Variants in MLXIP observed in about 807,000 individuals in gnomAD.
MLXIP encodes the protein MLX-interacting protein.
Under a neutral mutation model 87.2 loss-of-function variants are expected in MLXIP, and 30 were observed. The observed-to-expected ratio is 0.34, with a 90% CI of 0.26 to 0.47. MLXIP has a LOEUF of 0.47. Ranked by LOEUF, MLXIP falls within the 20% of genes least tolerant of loss-of-function variation. The pLI, the probability that MLXIP is intolerant of heterozygous loss-of-function variation, is 1.00. For synonymous variants in MLXIP, 530 were observed against 514.0 expected, an observed-to-expected ratio of 1.03 and a Z score of -0.42; for missense variants, 1,002 against 1,240.1, an observed-to-expected ratio of 0.81 and a Z score of 2.88.
intron 1 of MLXIP, among the ~76,000 whole-genome samples, chr12:122,093,647 G>GGT (rs1343312349): frequency 7.8e-6 from 1 of 128,082 alleles, no homozygotes; most frequent in African/African-American, 3.0e-5. Context: ...GTGGTGTGTT[G>GGT]GTGTGTGTGT....
chr12:122,134,519 C>G (rs1422280293), intron 9 of MLXIP: 1 of 157,366 alleles, frequency 6.4e-6, no homozygotes, highest in Non-Finnish European at 1.4e-5. Flanking sequence ...AGGCGCCCAT[C>G]ACTACACCCA....
Position 122,142,079 on chromosome 12 carries a change from C to A in MLXIP, c.*267C>A. The A allele has an allele frequency of 1.4e-6, 1 of 689,696 alleles. No individual in the cohort carries two copies. Among genetic ancestry groups the A allele is most frequent in the Non-Finnish European group, 2.6e-6 (1 of 381,780 alleles). The allele number at this position is 689,696 out of a possible 1,614,324, so 42.7% of individuals were successfully genotyped here. A position where few individuals can be genotyped will look rare whatever the true frequency, so the allele number is the denominator to read the frequency against. On this transcript the variant is annotated 3_prime_UTR_variant, in exon 17 of 17. Coordinates refer to ENST00000319080, the MANE Select transcript of MLXIP (RefSeq NM_014938.6). ...CCAACCTCCTCTGCCCTCGGGGCAG[C>A]CCACACAAAAGGGAAGTGCTGGCCG...
chr12:122,081,402 C>T (rs1311383516), intron 1 of MLXIP, among the ~76,000 whole-genome samples: 1 of 152,082 alleles, frequency 6.6e-6, no homozygotes, highest in South Asian at 2.1e-4. Context: ...GGATGACAGA[C>T]AAATGACTCA....
intron 1 of MLXIP, among the ~76,000 whole-genome samples, chr12:122,104,888 T>C (rs1220020858): frequency 6.6e-6 from 1 of 152,148 alleles, no homozygotes; most frequent in Non-Finnish European, 1.5e-5. Flanking sequence ...CCAGCCTTTT[T>C]TCTTGTAGAA....
chr12:122,096,280 G>A (rs527933173), intron 1 of MLXIP, among the ~76,000 whole-genome samples: 88 of 152,140 alleles, frequency 5.8e-4, no homozygotes, highest in Admixed American at 1.4e-3. Flanking sequence ...GTATTTCATT[G>A]TATGGATGTA....
Position 122,133,006 on chromosome 12 carries a change from G to A in MLXIP, c.1093-342G>A, listed in dbSNP as rs1030521231. ...TGTCCTCGGGGATTCCCGAGCAGCT[G>A]CAATCCAGGCTGCCTCTGCTCAGTA... On this transcript the variant is annotated intron_variant, in intron 8 of 16. Transcript: ENST00000319080. The surrounding 1 kb of genome is among the most constrained non-coding windows in gnomAD (Gnocchi z 4.9). 2.4e-5 allele frequency: 6 copies of A among 247,410 alleles called. No homozygotes were observed. The highest frequency in any genetic ancestry group is 4.5e-5 in the African/African-American group (2 of 44,756). 15.3% of individuals were successfully genotyped at this position (247,410 alleles called of 1,614,324 possible). A position where few individuals can be genotyped will look rare whatever the true frequency, so the allele number is the denominator to read the frequency against.
intron 1 of MLXIP, among the ~76,000 whole-genome samples, chr12:122,081,549 G>T (rs1291316144): frequency 1.3e-5 from 2 of 152,194 alleles, no homozygotes; most frequent in East Asian, 3.9e-4. Flanking sequence ...AACGCGGGGC[G>T]TGGTGGCTCA....
At position 122,101,567 on chromosome 12, in the gene MLXIP, T is replaced by C. The variant is rs1361555539; in HGVS notation, c.413+22301T>C. 5.4e-4 allele frequency among the ~76,000 whole-genome samples: 11 copies of C among 20,470 alleles called. No individual in the cohort carries two copies. In the East Asian group the frequency reaches 0.012, roughly 22 times the overall value. 13.4% of individuals were successfully genotyped at this position (20,470 alleles called of 152,430 possible). A position where few individuals can be genotyped will look rare whatever the true frequency, so the allele number is the denominator to read the frequency against. On this transcript the variant is annotated intron_variant, in intron 1 of 16. Coordinates refer to ENST00000319080, the MANE Select transcript of MLXIP (RefSeq NM_014938.6). ...AGTTATTTATTTATTTATTTATTTA[T>C]TTTTTTCTTTTTTTTTCTTTTTTTT...
chr12:122,115,588 CAA>C (rs35318582), intron 1 of MLXIP, among the ~76,000 whole-genome samples: 8 of 110,736 alleles, frequency 7.2e-5, no homozygotes, highest in African/African-American at 2.1e-4. Flanking sequence ...AACTCCTTCT[CAA>C]AAAAAAAAAA....
chr12:122,102,053 T>C (rs1306441022), intron 1 of MLXIP, among the ~76,000 whole-genome samples: 1 of 152,208 alleles, frequency 6.6e-6, no homozygotes, highest in East Asian at 1.9e-4. Flanking sequence ...CCTTGAGATA[T>C]ATTCTCAAAA....
intron 1 of MLXIP, among the ~76,000 whole-genome samples, chr12:122,084,828 G>A (rs1241160505): frequency 6.6e-6 from 1 of 152,202 alleles, no homozygotes; most frequent in African/African-American, 2.4e-5. Context: ...GGTTACAGGC[G>A]TGAGCCACTG....
rs1193095482 is a variant in MLXIP at position 122,141,914 on chromosome 12, G to A, written c.*102G>A. Reference sequence around the variant, plus strand: ...GCCCTTCCTGACGCTCAGCCTCGGGGCCTCTCTCCAACTCTGCCGGCCCAC... The same window carrying A: ...GCCCTTCCTGACGCTCAGCCTCGGGACCTCTCTCCAACTCTGCCGGCCCAC... On this transcript the variant is annotated 3_prime_UTR_variant, in exon 17 of 17. Transcript: ENST00000319080. 5.9e-6 allele frequency: 9 copies of A among 1,529,282 alleles called. 1 individual carries two copies. Among genetic ancestry groups the A allele is most frequent in the South Asian group, 4.9e-5 (4 of 81,524 alleles). The allele number at this position is 1,529,282 out of a possible 1,614,324, so 94.7% of individuals were successfully genotyped here. A position where few individuals can be genotyped will look rare whatever the true frequency, so the allele number is the denominator to read the frequency against.
At chr12:122,097,785 A>G (rs1839097433) in intron 1 of MLXIP, among the ~76,000 whole-genome samples, 1 of 151,772 alleles carries the variant, frequency 6.6e-6, no homozygotes, top group Non-Finnish European at 1.5e-5. Flanking sequence ...CTACTCTCCC[A>G]GGCTGCTCCC....
At chr12:122,110,755 A>C (rs1952592494) in intron 1 of MLXIP, among the ~76,000 whole-genome samples, 1 of 151,528 alleles carries the variant, frequency 6.6e-6, no homozygotes, top group South Asian at 2.1e-4. Flanking sequence ...TGGGCAACAG[A>C]GCTAGATCCT....
At chr12:122,087,500 G>A (rs1301972185) in intron 1 of MLXIP, among the ~76,000 whole-genome samples, 10 of 152,164 alleles carry the variant, frequency 6.6e-5, no homozygotes, top group East Asian at 1.9e-4. Flanking sequence ...AGCCAGGCAC[G>A]ATGGTCGTTC....
chr12:122,121,010 G>GTTTTTTTTTTTT lies in MLXIP; in HGVS notation c.414-6239_414-6228dup, dbSNP rs1233404015. On this transcript the variant is annotated intron_variant, in intron 1 of 16. Transcript: ENST00000319080. The stretch of plus-strand genomic sequence containing the variant: ...AGCCCCAGAGCCCTCTGCATGCTTG[G>GTTTTTTTTTTTT]TTTTTTTTTTTTTTTTTTGAAACGG... Among the ~76,000 whole-genome samples the GTTTTTTTTTTTT allele has an allele frequency of 8.6e-3, 963 of 111,768 alleles. 79 individuals carry two copies. Among genetic ancestry groups the GTTTTTTTTTTTT allele is most frequent in the African/African-American group, 0.028 (762 of 27,364 alleles). 73.3% of individuals were successfully genotyped at this position (111,768 alleles called of 152,430 possible).
At chr12:122,123,686 T>A (rs1952821571) in intron 1 of MLXIP, among the ~76,000 whole-genome samples, 1 of 152,056 alleles carries the variant, frequency 6.6e-6, no homozygotes, top group Non-Finnish European at 1.5e-5. Flanking sequence ...CAGACTCCCT[T>A]TTTTGGTTGG....
rs1405814280 is a variant in MLXIP at position 122,133,710 on chromosome 12, C to T, written c.1455C>T (p.Thr485=). Residue 485 remains threonine (T), a synonymous_variant, in exon 9 of 17, where the codon ACC becomes ACT. Coordinates refer to ENST00000319080, the MANE Select transcript of MLXIP (RefSeq NM_014938.6). This position sits in a 1 kb window ranked among gnomAD's most constrained non-coding sequence, Gnocchi z 4.9. ...TCAACAAAGCGCCGTCTGTCATCACCCACACGGCCTCTGCCACCCTCACCC... is the reference window on the plus strand; with the variant it reads ...TCAACAAAGCGCCGTCTGTCATCACTCACACGGCCTCTGCCACCCTCACCC... ...AGVNKAPSVI[T]HTASATLTHD... is the part of the protein sequence containing the mutation. 6.2e-7 allele frequency: 1 copy of T among 1,613,588 alleles called. No individual in the cohort carries two copies. Among genetic ancestry groups the T allele is most frequent in the African/African-American group, 1.3e-5 (1 of 74,916 alleles).
chr12:122,135,280 G>C lies in MLXIP; in HGVS notation c.1789G>C (p.Glu597Gln). ...VIMTSGPLKREGMLASTVSQS... is the reference protein window; with the variant it reads ...VIMTSGPLKRQGMLASTVSQS... ...CATGACGTCAGGGCCTCTGAAGAGA[G>C]AAGGGATGTTGGCCTCCACCGTGTC... is the stretch of plus-strand genomic sequence containing the variant. Residue 597 changes from glutamate to glutamine, a missense_variant, in exon 10 of 17, where the codon GAA becomes CAA. Glu to Gln is a conservative substitution (Grantham distance 29). Coordinates refer to ENST00000319080, the MANE Select transcript of MLXIP (RefSeq NM_014938.6). This position sits in a 1 kb window ranked among gnomAD's most constrained non-coding sequence, Gnocchi z 5.3. 2 of 1,613,690 alleles carry C rather than the reference G, an allele frequency of 1.2e-6. No individual in the cohort carries two copies. Among genetic ancestry groups the C allele is most frequent in the African/African-American group, 2.7e-5 (2 of 75,064 alleles).
Sources: allele counts gnomAD v4.1 joint callset (sites outside exome capture counted in the v4.1 genomes callset), GRCh38; gene constraint gnomAD v4.1.1; non-coding constraint Gnocchi (gnomAD v3.1); transcripts MANE v1.5; gene names NCBI Gene and HGNC (gene_info 2026-07-23, HGNC 2026-07-21).